The following MLIP variants were observed in gnomAD, a reference collection of about 807,000 sequenced individuals.
The protein encoded by MLIP is muscular LMNA-interacting protein.
In MLIP, 79 loss-of-function variants were observed where a neutral mutation model predicts 84.8. The observed-to-expected ratio is 0.93, with a 90% CI of 0.78 to 1.12. MLIP has a LOEUF of 1.12. MLIP is among the 50% of genes most tolerant of loss of function. The pLI is 0.00. For synonymous variants in MLIP, 504 were observed against 463.0 expected, an observed-to-expected ratio of 1.09 and a Z score of -1.14; for missense variants, 1,257 against 1,160.6, an observed-to-expected ratio of 1.08 and a Z score of -1.21.
chr6:54,048,071 A>G (rs542591155), intron 1 of MLIP, among the ~76,000 whole-genome samples: 8 of 152,200 alleles, frequency 5.3e-5, no homozygotes, highest in East Asian at 1.9e-4. Flanking sequence ...AAAGAAGACC[A>G]TGAGAGTGTC....
At chr6:54,105,884 C>A (rs543135968) in intron 1 of MLIP, among the ~76,000 whole-genome samples, 1 of 152,188 alleles carries the variant, frequency 6.6e-6, no homozygotes, top group South Asian at 2.1e-4. Context: ...GGTGTAAGAT[C>A]ATTGGGCTAT....
intron 3 of MLIP, among the ~76,000 whole-genome samples, chr6:54,132,882 G>T (rs1292857181): frequency 6.6e-6 from 1 of 152,172 alleles, no homozygotes; most frequent in African/African-American, 2.4e-5. Flanking sequence ...AATAGGTGCT[G>T]TGGTCCTATT....
At chr6:54,183,400 G>A (rs979715808) in intron 9 of MLIP, among the ~76,000 whole-genome samples, 3 of 152,176 alleles carry the variant, frequency 2.0e-5, no homozygotes, top group African/African-American at 7.2e-5. Context: ...TCTGCTAGAT[G>A]AGGAGGCAGA....
intron 9 of MLIP, among the ~76,000 whole-genome samples, chr6:54,178,872 G>A (rs763038701): frequency 2.3e-4 from 35 of 152,092 alleles, no homozygotes; most frequent in Non-Finnish European, 4.0e-4. Context: ...AGCATGTATA[G>A]CTGTTGGATA....
At chr6:54,147,736 T>C (rs1773010329) in intron 4 of MLIP, among the ~76,000 whole-genome samples, 1 of 152,172 alleles carries the variant, frequency 6.6e-6, no homozygotes, top group South Asian at 2.1e-4. Flanking sequence ...TATGTATATA[T>C]GTATATATTC....
chr6:54,264,358 T>A (rs1029005383), intron 13 of MLIP, among the ~76,000 whole-genome samples: 1 of 152,072 alleles, frequency 6.6e-6, no homozygotes, highest in Non-Finnish European at 1.5e-5. Context: ...AAACTCAATA[T>A]AGGTTTTAGT....
intron 11 of MLIP, among the ~76,000 whole-genome samples, chr6:54,222,908 C>T (rs1243153574): frequency 6.6e-6 from 1 of 152,014 alleles, no homozygotes; most frequent in Admixed American, 6.6e-5. Context: ...CTCATTCCAA[C>T]AGGTGTGATA....
At chr6:54,132,433 C>T (rs566172833) in intron 3 of MLIP, among the ~76,000 whole-genome samples, 8 of 152,094 alleles carry the variant, frequency 5.3e-5, no homozygotes, top group South Asian at 2.1e-4. Context: ...TTTTACAAAG[C>T]GAAAGTTTTT....
At chr6:54,145,812 G>C (rs1369905544) in intron 4 of MLIP, among the ~76,000 whole-genome samples, 1 of 117,384 alleles carries the variant, frequency 8.5e-6, no homozygotes, top group Non-Finnish European at 1.8e-5. Flanking sequence ...AAAAGAAAAA[G>C]AAAGAGAAAA....
At chr6:54,063,044 A>T (rs1298680585) in intron 1 of MLIP, among the ~76,000 whole-genome samples, 1 of 152,130 alleles carries the variant, frequency 6.6e-6, no homozygotes, top group Non-Finnish European at 1.5e-5. Context: ...TCTACTAAAA[A>T]TACAAAAAAA....
At chr6:54,162,393 G>A (rs1357602064) in intron 8 of MLIP, among the ~76,000 whole-genome samples, 1 of 152,066 alleles carries the variant, frequency 6.6e-6, no homozygotes, top group African/African-American at 2.4e-5. Context: ...TGCAAATGAT[G>A]TTGAGAAACT....
Position 54,075,073 on chromosome 6 carries a change from C to A in MLIP, c.64-46374C>A, listed in dbSNP as rs903079861. ...GACCAGCCTGACCAACATGGAGAAA[C>A]CCCAGCTCTACTAAAAATACAAAAT... On this transcript the variant is annotated intron_variant, in intron 1 of 12. Transcript: ENST00000274897. 3.3e-5 allele frequency among the ~76,000 whole-genome samples: 5 copies of A among 151,830 alleles called. No homozygotes were observed. The South Asian group carries it at 1.0e-3, about 32-fold the overall frequency.
chr6:54,060,308 G>A (rs1313641247), intron 1 of MLIP, among the ~76,000 whole-genome samples: 1 of 152,184 alleles, frequency 6.6e-6, no homozygotes, highest in Non-Finnish European at 1.5e-5. Context: ...CTGAATCCTA[G>A]TTATTTTAGC....
chr6:54,189,273 CA>C (rs1324340001), intron 9 of MLIP, among the ~76,000 whole-genome samples: 3 of 152,040 alleles, frequency 2.0e-5, no homozygotes, highest in Non-Finnish European at 4.4e-5. Context: ...GTTCTTACGA[CA>C]ATAACATTTT....
chr6:54,082,757 CAT>C (rs1281632809), intron 1 of MLIP, among the ~76,000 whole-genome samples: 3 of 4,320 alleles, frequency 6.9e-4, no homozygotes, highest in Non-Finnish European at 4.2e-3. Context: ...GAATATCTTT[CAT>C]TTTTTTTTTG....
chr6:54,137,451 C>T lies in MLIP; in HGVS notation c.1382C>T (p.Thr461Met), dbSNP rs1771913891. 3 of 1,535,960 alleles carry T rather than the reference C, an allele frequency of 2.0e-6. No homozygotes were observed. The highest frequency in any genetic ancestry group is 2.0e-5 in the Admixed American group (1 of 50,962). ...CAAAAAGAAAAGCAGACCCCACCCA[C>T]GCCTAAAAAATCTCTCTCAAGTTGT... Reference protein sequence around the residue: ...LDQKEKQTPPTPKKSLSSCSL... With the variant: ...LDQKEKQTPPMPKKSLSSCSL... Residue 461 changes from threonine (T) to methionine (M), a missense_variant, in exon 4 of 14, where the codon ACG becomes ATG. Transcript: ENST00000502396.
intron 1 of MLIP, among the ~76,000 whole-genome samples, chr6:54,077,881 T>A (rs1044737394): frequency 6.6e-6 from 1 of 152,228 alleles, no homozygotes; most frequent in Non-Finnish European, 1.5e-5. Context: ...TTTAAACTAT[T>A]ATTGAGGATT....
intron 1 of MLIP, among the ~76,000 whole-genome samples, chr6:54,105,232 A>C (rs952325791): frequency 6.6e-6 from 1 of 152,112 alleles, no homozygotes; most frequent in Non-Finnish European, 1.5e-5. Flanking sequence ...TATGACTTAC[A>C]AGATGGAATC....
chr6:54,175,837 T>C (rs1337230179), intron 9 of MLIP, among the ~76,000 whole-genome samples: 1 of 152,094 alleles, frequency 6.6e-6, no homozygotes, highest in Non-Finnish European at 1.5e-5. Context: ...CTTTCAGGTT[T>C]TCCTCATTCT....
Sources: gnomAD v4.1 joint callset for allele counts (sites outside exome capture counted in the v4.1 genomes callset) on GRCh38, gnomAD v4.1.1 for gene constraint, MANE v1.5 for transcripts, NCBI Gene and HGNC (gene_info 2026-07-23, HGNC 2026-07-21) for gene names.